The following GRAMD1B variants were observed in gnomAD, a reference collection of about 807,000 sequenced individuals.
GRAMD1B encodes protein Aster-B.
A neutral mutation model predicts 99.7 loss-of-function variants in GRAMD1B; 37 were observed. The ratio of observed to expected loss-of-function variants is 0.37; its 90% CI spans 0.29 to 0.49. The LOEUF (loss-of-function observed/expected upper bound fraction) is 0.49. Among genes scored for constraint, GRAMD1B ranks in the 20% least tolerant of loss-of-function variants. GRAMD1B has a pLI of 0.98. For synonymous variants in GRAMD1B, 427 were observed against 387.6 expected (o/e 1.10, Z -1.19); for missense variants, 888 against 1,009.2 (o/e 0.88, Z 1.63).
At chr11:123,611,213 A>G (rs1046826519) in intron 14 of GRAMD1B, among the ~76,000 whole-genome samples, 2 of 150,542 alleles carry the variant, frequency 1.3e-5, no homozygotes, top group African/African-American at 4.9e-5. Flanking sequence ...CGCAGGAGGG[A>G]TTGCTTGAGC....
chr11:123,541,004 G>A (rs1444608440), intron 2 of GRAMD1B, among the ~76,000 whole-genome samples: 1 of 151,402 alleles, frequency 6.6e-6, no homozygotes, highest in Admixed American at 6.6e-5. Context: ...GACGGAGTTC[G>A]CTCTTGTTGC....
At chr11:123,535,822 T>C (rs1234422406) in intron 2 of GRAMD1B, among the ~76,000 whole-genome samples, 2 of 152,152 alleles carry the variant, frequency 1.3e-5, no homozygotes, top group East Asian at 3.8e-4. Flanking sequence ...TAAAAATCTA[T>C]GGCAATATGC....
intron 1 of GRAMD1B, among the ~76,000 whole-genome samples, chr11:123,399,494 T>A (rs182941431): frequency 1.3e-3 from 193 of 152,350 alleles, no homozygotes; most frequent in South Asian, 7.7e-3. Context: ...TTATTTATTT[T>A]TTTTGGAACC....
intron 2 of GRAMD1B, among the ~76,000 whole-genome samples, chr11:123,532,970 A>G (rs543725670): frequency 6.6e-6 from 1 of 152,316 alleles, no homozygotes; most frequent in East Asian, 1.9e-4. Context: ...GTGCAACAAA[A>G]TATGTTTTTA....
chr11:123,403,448 G>GATGATGATA (rs1251720908), intron 1 of GRAMD1B, among the ~76,000 whole-genome samples: 1 of 139,178 alleles, frequency 7.2e-6, no homozygotes, highest in African/African-American at 2.7e-5. Flanking sequence ...TGATGATGAT[G>GATGATGATA]ATAATAATAA....
intron 1 of GRAMD1B, among the ~76,000 whole-genome samples, chr11:123,420,842 A>G (rs921851600): frequency 6.6e-6 from 1 of 152,196 alleles, no homozygotes; most frequent in South Asian, 2.1e-4. Flanking sequence ...CCTCATCACT[A>G]CAATGGGAAA....
At chr11:123,384,199 A>G (rs1184196990) in intron 1 of GRAMD1B, among the ~76,000 whole-genome samples, 2 of 152,052 alleles carry the variant, frequency 1.3e-5, no homozygotes, top group Admixed American at 6.6e-5. Context: ...ATCAGCATAC[A>G]TGTATTGCCC....
chr11:123,505,322 A>G (rs1940314212), intron 2 of GRAMD1B, among the ~76,000 whole-genome samples: 1 of 152,020 alleles, frequency 6.6e-6, no homozygotes, highest in African/African-American at 2.4e-5. Context: ...GCGAGCCATC[A>G]TGCTCAGCTT....
intron 7 of GRAMD1B, chr11:123,599,170 G>T: frequency 1.3e-6 from 1 of 780,182 alleles, no homozygotes; most frequent in South Asian, 1.3e-5. Context: ...TGCTTCCGGT[G>T]GAATTCCTTT....
rs778234346 is a variant in GRAMD1B at position 123,587,337 on chromosome 11, A to G, written c.684+3005A>G. ...GCCCTGAGTCCTCCCATGCCCAATT[A>G]TATGTACTCCTCCTTACCCCCGAAG... On this transcript the variant is annotated intron_variant, in intron 4 of 19. Transcript: ENST00000635736. The surrounding 1 kb of genome is among the most constrained non-coding windows in gnomAD (Gnocchi z 4.2). 6.6e-6 allele frequency among the ~76,000 whole-genome samples: 1 copy of G among 152,064 alleles called. No individual in the cohort carries two copies. The highest frequency in any genetic ancestry group is 1.5e-5 in the Non-Finnish European group (1 of 68,008).
chr11:123,599,378 C>G, intron 7 of GRAMD1B: 1 of 684,382 alleles, frequency 1.5e-6, no homozygotes, highest in South Asian at 1.4e-5. Context: ...TAGTGAGCAT[C>G]TCTTTGGCCA....
intron 1 of GRAMD1B, among the ~76,000 whole-genome samples, chr11:123,441,749 C>T (rs1178218507): frequency 6.6e-6 from 1 of 151,930 alleles, no homozygotes; most frequent in Non-Finnish European, 1.5e-5. Context: ...TGAGCCATGA[C>T]CACGCCACTG....
At chr11:123,379,491 GT>G (rs933493269) in intron 1 of GRAMD1B, among the ~76,000 whole-genome samples, 7 of 152,016 alleles carry the variant, frequency 4.6e-5, no homozygotes, top group African/African-American at 1.7e-4. Flanking sequence ...GTTCATCCAT[GT>G]TTTAGCATTT....
In GRAMD1B at chr11:123,558,618, G is replaced by A. The variant is rs560125306; in HGVS notation, c.453-18749G>A. On this transcript the variant is annotated intron_variant, in intron 2 of 19. Transcript: ENST00000635736. ...GCAACTCAGTTTTGGTTTCAGATCTGACTCTAGTCCAAGATCTTTCCGTGG... is the reference window on the plus strand; with the variant it reads ...GCAACTCAGTTTTGGTTTCAGATCTAACTCTAGTCCAAGATCTTTCCGTGG... 2.0e-5 allele frequency among the ~76,000 whole-genome samples: 3 copies of A among 152,324 alleles called. No individual in the cohort carries two copies. In the South Asian group the frequency reaches 6.2e-4, roughly 32 times the overall value.
intron 2 of GRAMD1B, among the ~76,000 whole-genome samples, chr11:123,493,138 G>C (rs1938791604): frequency 6.6e-6 from 1 of 152,168 alleles, no homozygotes; most frequent in South Asian, 2.1e-4. Context: ...GGGGAACTCA[G>C]GTTTTGGAGA....
intron 2 of GRAMD1B, chr11:123,526,128 T>C (rs1205225684): frequency 6.2e-7 from 1 of 1,610,998 alleles, no homozygotes; most frequent in East Asian, 2.2e-5. Flanking sequence ...ACACGGTCAG[T>C]GGATTATCGT....
At chr11:123,483,749 CT>C (rs1425464015) in intron 2 of GRAMD1B, among the ~76,000 whole-genome samples, 1 of 152,130 alleles carries the variant, frequency 6.6e-6, no homozygotes, top group Non-Finnish European at 1.5e-5. Context: ...CTGCTGTAAT[CT>C]CTCCCCTTCA....
chr11:123,386,318 T>G (rs1947055595), intron 1 of GRAMD1B, among the ~76,000 whole-genome samples: 1 of 152,162 alleles, frequency 6.6e-6, no homozygotes, highest in Non-Finnish European at 1.5e-5. Flanking sequence ...GGAGGCCCCT[T>G]GAGAGAATCC....
In GRAMD1B at chr11:123,492,850, T is replaced by A. The variant is rs1472144349; in HGVS notation, c.452+11957T>A. On this transcript the variant is annotated intron_variant, in intron 2 of 19. Coordinates refer to ENST00000635736, the MANE Select transcript of GRAMD1B (RefSeq NM_001387025.1). The surrounding 1 kb of genome is among the most constrained non-coding windows in gnomAD (Gnocchi z 4.2). ...CCTCAATCCTCTCTCTCTCTCTGTC[T>A]CTCTCTTTCACACATACACACACAC... 4.0e-5 allele frequency among the ~76,000 whole-genome samples: 5 copies of A among 124,910 alleles called. No homozygotes were observed. Among genetic ancestry groups the A allele is most frequent in the African/African-American group, 6.9e-5 (2 of 28,898 alleles). The allele number at this position is 124,910 out of a possible 152,430, so 81.9% of individuals were successfully genotyped here. A position where few individuals can be genotyped will look rare whatever the true frequency, so the allele number is the denominator to read the frequency against.
Sources: allele counts gnomAD v4.1 joint callset (sites outside exome capture counted in the v4.1 genomes callset), GRCh38; gene constraint gnomAD v4.1.1; non-coding constraint Gnocchi (gnomAD v3.1); transcripts MANE v1.5; gene names NCBI Gene and HGNC (gene_info 2026-07-23, HGNC 2026-07-21).